The following SCN2A variants were observed in gnomAD, a reference collection of about 807,000 sequenced individuals.
SCN2A encodes sodium voltage-gated channel alpha subunit 2.
SCN2A carries 20 observed loss-of-function variants against 188.7 expected under a neutral mutation model. That is an observed-to-expected ratio of 0.11 (90% confidence interval 0.07 to 0.15). SCN2A has a LOEUF of 0.15. SCN2A is among the 10% of genes least tolerant of loss of function. The pLI, the probability that SCN2A is intolerant of heterozygous loss-of-function variation, is 1.00. For synonymous variants in SCN2A, 804 were observed against 833.1 expected (o/e 0.97, Z 0.60); for missense variants, 1,278 against 2,445.0 (o/e 0.52, Z 10.07).
chr2:165,257,719 A>G (rs1010394615), intron 1 of SCN2A, among the ~76,000 whole-genome samples: 4 of 152,062 alleles, frequency 2.6e-5, no homozygotes, highest in African/African-American at 9.6e-5. Context: ...CTATATTTTT[A>G]TAGAGATGGG....
In SCN2A at chr2:165,381,083, A is replaced by G. The variant is rs1431429250; in HGVS notation, c.4447-10A>G. The G allele has an allele frequency of 1.3e-6, 2 of 1,547,658 alleles. No individual in the cohort carries two copies. Among genetic ancestry groups the G allele is most frequent in the Non-Finnish European group, 1.8e-6 (2 of 1,134,046 alleles). On this transcript the variant is annotated splice_polypyrimidine_tract_variant and intron_variant, in intron 24 of 26. Coordinates refer to ENST00000375437, the MANE Select transcript of SCN2A (RefSeq NM_001040142.2). ...CACAATTTTAACAAGTGTTGCTTTC[A>G]TTTCTTTACTTTGGAGGTCAAGACA... is the stretch of plus-strand genomic sequence containing the variant.
At position 165,389,025 on chromosome 2, in the gene SCN2A, G is replaced by A. The variant is rs781439085; in HGVS notation, c.5219G>A (p.Ser1740Asn). 2 of 1,614,004 alleles carry A rather than the reference G, an allele frequency of 1.2e-6. No individual in the cohort carries two copies. Among genetic ancestry groups the A allele is most frequent in the African/African-American group, 1.3e-5 (1 of 74,900 alleles). The part of the protein sequence containing the change: ...DCDPDKDHPG[S>N]SVKGDCGNPS... ...GACCCTGACAAAGATCACCCTGGAA[G>A]CTCAGTTAAAGGAGACTGTGGGAAC... The change falls in exon 27 of 27, where the codon AGC becomes AAC. Residue 1740 changes from serine to asparagine, a missense_variant. Physicochemically the swap from Ser to Asn is conservative, Grantham distance 46. Transcript: ENST00000375437. This position sits in a 1 kb window ranked among gnomAD's most constrained non-coding sequence, Gnocchi z 4.2.
At chr2:165,319,674 AAG>A (rs1249420345) in intron 11 of SCN2A, among the ~76,000 whole-genome samples, 3 of 152,178 alleles carry the variant, frequency 2.0e-5, no homozygotes, top group African/African-American at 7.2e-5. Context: ...GTGGCAAGCA[AAG>A]AGAGAGTGAA....
intron 26 of SCN2A, among the ~76,000 whole-genome samples, chr2:165,387,999 T>C (rs1275164974): frequency 6.6e-6 from 1 of 152,118 alleles, no homozygotes; most frequent in Non-Finnish European, 1.5e-5. Flanking sequence ...AAAATGTTAT[T>C]GTGAGGATTA....
intron 1 of SCN2A, among the ~76,000 whole-genome samples, chr2:165,278,841 G>A (rs562070252): frequency 9.2e-5 from 14 of 152,196 alleles, no homozygotes; most frequent in Admixed American, 2.0e-4. Flanking sequence ...GAGATGGGAG[G>A]ATCTCTTGGG....
intron 1 of SCN2A, among the ~76,000 whole-genome samples, chr2:165,294,958 A>C (rs1353040304): frequency 6.6e-6 from 1 of 152,212 alleles, no homozygotes; most frequent in African/African-American, 2.4e-5. Context: ...AATGGGCATA[A>C]TTTGAGGAAA....
intron 15 of SCN2A, among the ~76,000 whole-genome samples, chr2:165,343,784 T>C (rs73025903): frequency 0.04 from 6,012 of 151,786 alleles, 375 homozygotes; most frequent in African/African-American, 0.13. Context: ...TCTATGAAGA[T>C]ATAAAGGTTA....
In SCN2A at chr2:165,307,793, G is replaced by T. The variant is rs568343392; in HGVS notation, c.387-55G>T. The T allele has an allele frequency of 7.1e-6, 8 of 1,119,198 alleles. No individual in the cohort carries two copies. In the South Asian group the frequency reaches 9.9e-5, roughly 14 times the overall value. The allele number at this position is 1,119,198 out of a possible 1,614,324, so 69.3% of individuals were successfully genotyped here. A position where few individuals can be genotyped will look rare whatever the true frequency, so the allele number is the denominator to read the frequency against. On this transcript the variant is annotated intron_variant, in intron 3 of 26. Coordinates refer to ENST00000375437, the MANE Select transcript of SCN2A (RefSeq NM_001040142.2). ...ACTTCATGGTGGTGAAGGCATGGTA[G>T]TGCATAAAAGTAAGATTTTTCCATT...
Position 165,388,822 on chromosome 2 carries a change from C to T in SCN2A, c.5016C>T (p.Phe1672=), listed in dbSNP as rs527751305. 6.2e-6 allele frequency: 10 copies of T among 1,614,044 alleles called. No homozygotes were observed. The African/African-American group carries it at 6.7e-5, about 11-fold the overall frequency. Residue 1672 remains phenylalanine, a synonymous_variant, in exon 27 of 27, where the codon TTC becomes TTT. Transcript: ENST00000375437. ...GCCTCCTTCTTTTCCTGGTCATGTT[C>T]ATCTACGCCATCTTTGGGATGTCCA... ...NIGLLLFLVM[F]IYAIFGMSNF...
chr2:165,383,252 G>C (rs1701697468), intron 25 of SCN2A, among the ~76,000 whole-genome samples: 1 of 152,062 alleles, frequency 6.6e-6, no homozygotes, highest in Non-Finnish European at 1.5e-5. Flanking sequence ...GGAAGGGGCT[G>C]ATTAATCAGG....
chr2:165,378,928 G>T (rs1206575769), intron 23 of SCN2A, among the ~76,000 whole-genome samples: 1 of 151,520 alleles, frequency 6.6e-6, no homozygotes, highest in Non-Finnish European at 1.5e-5. Context: ...TACCAGATTG[G>T]CAATACCAAA....
rs200002387 is a variant in SCN2A at position 165,381,358 on chromosome 2, C to CAT, written c.4551+167_4551+168dup. Among the ~76,000 whole-genome samples, 86 of 151,798 alleles carry CAT rather than the reference C, an allele frequency of 5.7e-4. No individual in the cohort carries two copies. The East Asian group carries it at 0.013, about 23-fold the overall frequency. Reference sequence around the variant, plus strand: ...TAAATAGCTTGAAAAATGTACTTTACATATATAATATGTATAAATTATATA... The same window carrying CAT: ...TAAATAGCTTGAAAAATGTACTTTACATATATATAATATGTATAAATTATATA... On this transcript the variant is annotated intron_variant, in intron 25 of 26. Coordinates refer to ENST00000375437, the MANE Select transcript of SCN2A (RefSeq NM_001040142.2).
chr2:165,328,566 GC>G, intron 13 of SCN2A: 6 of 924,642 alleles, frequency 6.5e-6, no homozygotes, highest in Non-Finnish European at 7.8e-6. Flanking sequence ...GTCATGCTTT[GC>G]ACTTCTGATA....
intron 16 of SCN2A, among the ~76,000 whole-genome samples, chr2:165,349,804 T>C (rs1255753587): frequency 1.3e-5 from 2 of 152,170 alleles, no homozygotes; most frequent in African/African-American, 2.4e-5. Flanking sequence ...ATTAAGGAAA[T>C]GTGCTTATAT....
chr2:165,310,722 A>G (rs1454374284), intron 7 of SCN2A, 127 bp downstream of exon 7: 2 of 606,192 alleles, frequency 3.3e-6, no homozygotes, highest in African/African-American at 3.8e-5. Flanking sequence ...GATTTAATAC[A>G]TATAAAAGAG....
chr2:165,309,023 G>A, intron 5 of SCN2A: 1 of 1,087,130 alleles, frequency 9.2e-7, no homozygotes, highest in Admixed American at 2.1e-5. Context: ...AAATAACAGA[G>A]ATTATGATTG....
rs202234412 is a variant in SCN2A, at chr2:165,308,788, C to G, written c.599C>G (p.Thr200Ser). ...PWNWLDFTVI[T>S]FAYVTEFVDL... The stretch of plus-strand genomic sequence containing the variant: ...AATTGGTTGGATTTCACAGTCATTA[C>G]TTTTGCGTAAGTATCTTAATACATT... The change falls in exon 5 of 27, where the codon ACT (threonine) becomes AGT (serine). Residue 200 changes from threonine to serine, a missense_variant. Coordinates refer to ENST00000375437, the MANE Select transcript of SCN2A (RefSeq NM_001040142.2). The G allele has an allele frequency of 3.7e-6, 6 of 1,612,490 alleles. No individual in the cohort carries two copies. Among genetic ancestry groups the G allele is most frequent in the Non-Finnish European group, 5.1e-6 (6 of 1,178,952 alleles).
chr2:165,314,333 C>G (rs1318106173), intron 10 of SCN2A, among the ~76,000 whole-genome samples: 1 of 152,050 alleles, frequency 6.6e-6, no homozygotes, highest in African/African-American at 2.4e-5. Context: ...AATTGCTTTA[C>G]TGACATTTTT....
rs140092993 is a variant in SCN2A, at chr2:165,251,744, C to T, written c.-52+12104C>T. On this transcript the variant is annotated intron_variant, in intron 1 of 26. Coordinates refer to ENST00000375437, the MANE Select transcript of SCN2A (RefSeq NM_001040142.2). Reference sequence around the variant, plus strand: ...CCCTAATATACCTTTGTAAATAATCCTTTTTTGTTTTAATCTCTCAATTAA... The same window carrying T: ...CCCTAATATACCTTTGTAAATAATCTTTTTTTGTTTTAATCTCTCAATTAA... Among the ~76,000 whole-genome samples, 398 of 152,040 alleles carry T rather than the reference C, an allele frequency of 2.6e-3. 1 individual carries two copies. Among genetic ancestry groups the T allele is most frequent in the African/African-American group, 9.4e-3 (388 of 41,490 alleles).
Sources: gnomAD v4.1 joint callset for allele counts (sites outside exome capture counted in the v4.1 genomes callset) on GRCh38, gnomAD v4.1.1 for gene constraint, Gnocchi (gnomAD v3.1) non-coding constraint, MANE v1.5 for transcripts, NCBI Gene and HGNC (gene_info 2026-07-23, HGNC 2026-07-21) for gene names.